The following PM20D2 variants were observed in gnomAD, a reference collection of about 807,000 sequenced individuals.
PM20D2 encodes peptidase M20 domain containing 2.
In PM20D2, 33 loss-of-function variants were observed where a neutral mutation model predicts 42.9. The observed-to-expected ratio is 0.77, with a 90% CI of 0.58 to 1.03. The LOEUF is 1.03. Ranked by LOEUF, PM20D2 falls within the 50% of genes least tolerant of loss-of-function variation. The pLI is 0.00. For missense variants in PM20D2, 548 were observed against 557.0 expected (o/e 0.98, Z 0.16); for synonymous variants, 250 against 228.2 (o/e 1.10, Z -0.86).
intron 2 of PM20D2, 48 bp downstream of exon 2, chr6:89,149,461 AG>A (rs1200928266): frequency 6.3e-7 from 1 of 1,586,892 alleles, no homozygotes; most frequent in East Asian, 2.2e-5. Flanking sequence ...CACAGGCTAT[AG>A]AATACTTTTA....
the PM20D2 span, among the ~76,000 whole-genome samples, chr6:89,128,832 T>C: frequency 6.6e-6 from 1 of 152,106 alleles, no homozygotes; most frequent in Admixed American, 6.5e-5. Context: ...GTTGAAATAT[T>C]GGGGGCGAGT....
the PM20D2 span, among the ~76,000 whole-genome samples, chr6:89,115,574 G>A: frequency 7.4e-5 from 11 of 149,074 alleles, no homozygotes; most frequent in Admixed American, 1.3e-4. Flanking sequence ...GAGCCACCGC[G>A]CCCAGCCTTA....
chr6:89,115,071 T>C, the PM20D2 span, among the ~76,000 whole-genome samples: 2 of 151,746 alleles, frequency 1.3e-5, no homozygotes, highest in Admixed American at 6.6e-5. Flanking sequence ...GCTGGGATTA[T>C]AGGCGTGAGC....
chr6:89,106,951 T>C, the PM20D2 span: 1 of 617,434 alleles, frequency 1.6e-6, no homozygotes, highest in South Asian at 1.5e-5. Flanking sequence ...CCTGCTGGGT[T>C]TATGCTTGGA....
At chr6:89,113,675 G>A in the PM20D2 span, among the ~76,000 whole-genome samples, 4 of 151,992 alleles carry the variant, frequency 2.6e-5, no homozygotes, top group Non-Finnish European at 5.9e-5. Flanking sequence ...TTGAGACAGA[G>A]TCTCACTCTC....
At chr6:89,114,984 G>C in the PM20D2 span, among the ~76,000 whole-genome samples, 2 of 152,076 alleles carry the variant, frequency 1.3e-5, no homozygotes, top group African/African-American at 4.8e-5. Flanking sequence ...CTTTAGTAGA[G>C]ACGGTGTTTT....
At chr6:89,107,006 A>T in the PM20D2 span, 2 of 835,838 alleles carry the variant, frequency 2.4e-6, no homozygotes, top group African/African-American at 1.7e-5. Context: ...CTTGCCAGCT[A>T]CTGTGGACTG....
At chr6:89,096,331 C>T in the PM20D2 span, 2 of 152,164 alleles carry the variant, frequency 1.3e-5, no homozygotes, top group Non-Finnish European at 2.9e-5. Context: ...GCATCTGTTT[C>T]CTTGTCTGTA....
chr6:89,149,547 G>C, intron 2 of PM20D2, 134 bp downstream of exon 2: 1 of 1,115,546 alleles, frequency 9.0e-7, no homozygotes, highest in East Asian at 2.5e-5. Flanking sequence ...AAGATGTCTT[G>C]ATCTATGGAG....
chr6:89,117,133 T>C, the PM20D2 span, among the ~76,000 whole-genome samples: 1 of 151,970 alleles, frequency 6.6e-6, no homozygotes, highest in African/African-American at 2.4e-5. Flanking sequence ...TAGACAAAAT[T>C]CTCAACGGAG....
rs1326326331 is a variant in PM20D2 at position 89,146,357 on chromosome 6, C to A, written c.213C>A (p.Pro71=). 6.4e-7 allele frequency: 1 copy of A among 1,553,002 alleles called. No individual in the cohort carries two copies. The highest frequency in any genetic ancestry group is 1.2e-5 in the South Asian group (1 of 85,454). ...CGCACTTCTTCGAGCGGGAGCCGCC[C>A]GCGGCCTCCTGGGCAGTGCAGCCGC... ...VLTHFFEREP[P]AASWAVQPHY... is the part of the protein sequence containing the mutation. The change falls in exon 1 of 7, where the codon CCC becomes CCA. Residue 71 remains proline, a synonymous_variant. Coordinates refer to ENST00000275072, the MANE Select transcript of PM20D2 (RefSeq NM_001010853.3).
chr6:89,107,380 T>C, the PM20D2 span: 1 of 707,976 alleles, frequency 1.4e-6, no homozygotes, highest in Non-Finnish European at 2.3e-6. Context: ...TTATCTAAAA[T>C]TGTTTTTTGT....
Position 89,163,444 on chromosome 6 carries a change from A to T in PM20D2, c.*1181A>T, listed in dbSNP as rs1287354095. 6.6e-6 allele frequency: 1 copy of T among 152,094 alleles called. No homozygotes were observed. Among genetic ancestry groups the T allele is most frequent in the East Asian group, 1.9e-4 (1 of 5,188 alleles). 9.4% of individuals were successfully genotyped at this position (152,094 alleles called of 1,614,324 possible). On this transcript the variant is annotated 3_prime_UTR_variant, in exon 7 of 7. Transcript: ENST00000275072. ...CAATCCTCCTGTCTTGGCCTCCCAA[A>T]GTGTTGGGATTTCAGGTATGAGACA...
At chr6:89,095,089 G>A in the PM20D2 span, among the ~76,000 whole-genome samples, 1 of 151,758 alleles carries the variant, frequency 6.6e-6, no homozygotes, top group East Asian at 1.9e-4. Context: ...TGAAGCTCTG[G>A]GTCTATTATG....
Position 89,162,057 on chromosome 6 carries a change from TTAAA to T in PM20D2, c.1157-49_1157-46del. The T allele has an allele frequency of 1.9e-6, 3 of 1,580,990 alleles. No individual in the cohort carries two copies. In the South Asian group the frequency reaches 3.5e-5, roughly 18 times the overall value. Reference sequence around the variant, plus strand: ...AGATACGGGTAGCTAACCTGTGAAATTAAATACAGCTTAAATAAGTAAGGAGGTA... The same window carrying T: ...AGATACGGGTAGCTAACCTGTGAAATTACAGCTTAAATAAGTAAGGAGGTA... On this transcript the variant is annotated intron_variant, in intron 6 of 6. Coordinates refer to ENST00000275072, the MANE Select transcript of PM20D2 (RefSeq NM_001010853.3).
chr6:89,155,760 G>A (rs1338240985), intron 4 of PM20D2, among the ~76,000 whole-genome samples: 1 of 152,168 alleles, frequency 6.6e-6, no homozygotes, highest in African/African-American at 2.4e-5. Flanking sequence ...CCAGGCTGGA[G>A]CGCAGTGGTG....
the PM20D2 span, among the ~76,000 whole-genome samples, chr6:89,114,510 G>A: frequency 6.6e-6 from 1 of 152,076 alleles, no homozygotes; most frequent in African/African-American, 2.4e-5. Flanking sequence ...TTTTAGTATG[G>A]CACCTAGTAC....
chr6:89,136,820 C>T, the PM20D2 span, among the ~76,000 whole-genome samples: 2 of 151,034 alleles, frequency 1.3e-5, no homozygotes, highest in African/African-American at 2.5e-5. Flanking sequence ...GTAAAGTTGC[C>T]CCAAAATGTG....
At chr6:89,111,380 C>G in the PM20D2 span, among the ~76,000 whole-genome samples, 5 of 152,116 alleles carry the variant, frequency 3.3e-5, no homozygotes, top group Non-Finnish European at 7.4e-5. Context: ...TTTTTGTTAA[C>G]TGTTTTCCTA....
Sources: gnomAD v4.1 joint callset for allele counts (sites outside exome capture counted in the v4.1 genomes callset) on GRCh38, gnomAD v4.1.1 for gene constraint, MANE v1.5 for transcripts, NCBI Gene and HGNC (gene_info 2026-07-23, HGNC 2026-07-21) for gene names.